AFF3: variants seen among roughly 807,000 people sequenced by gnomAD.
The protein encoded by AFF3 is ALF transcription elongation factor 3, also known as AF4/FMR2 family member 3.
Under a neutral mutation model 129.7 loss-of-function variants are expected in AFF3, and 32 were observed. The ratio of observed to expected loss-of-function variants is 0.25; its 90% CI spans 0.19 to 0.33. The LOEUF (loss-of-function observed/expected upper bound fraction) is 0.33. Ranked by LOEUF, AFF3 falls within the 10% of genes least tolerant of loss-of-function variation. The pLI is 1.00. For synonymous variants in AFF3, 644 were observed against 635.4 expected, an observed-to-expected ratio of 1.01 and a Z score of -0.20; for missense variants, 1,373 against 1,592.0, an observed-to-expected ratio of 0.86 and a Z score of 2.34.
chr2:100,066,819 C>G (rs1687759107), intron 4 of AFF3, among the ~76,000 whole-genome samples: 1 of 152,142 alleles, frequency 6.6e-6, no homozygotes, highest in South Asian at 2.1e-4. Context: ...CTGATTATTC[C>G]TGAAGGACCT....
chr2:99,860,973 A>T (rs1429199409), intron 7 of AFF3, among the ~76,000 whole-genome samples: 2 of 152,180 alleles, frequency 1.3e-5, no homozygotes, highest in Non-Finnish European at 2.9e-5. Context: ...CATGCTGTAC[A>T]CTAGGTCCCC....
intron 7 of AFF3, among the ~76,000 whole-genome samples, chr2:99,924,457 T>C (rs1696081894): frequency 6.6e-6 from 1 of 152,214 alleles, no homozygotes; most frequent in Non-Finnish European, 1.5e-5. Context: ...ATGTCTGAAA[T>C]ATATGTAGTA....
chr2:100,036,437 G>GA (rs1256063021), intron 4 of AFF3, among the ~76,000 whole-genome samples: 2 of 151,740 alleles, frequency 1.3e-5, no homozygotes, highest in Non-Finnish European at 2.9e-5. Context: ...AAATATTTGG[G>GA]AAAAAATACA....
At chr2:99,591,071 A>G (rs1678623966) in intron 15 of AFF3, among the ~76,000 whole-genome samples, 1 of 151,892 alleles carries the variant, frequency 6.6e-6, no homozygotes, top group Non-Finnish European at 1.5e-5. Flanking sequence ...CCTTGAACAT[A>G]TTTCTTTTCA....
chr2:99,679,828 T>C (rs1172326897), intron 11 of AFF3, among the ~76,000 whole-genome samples: 1 of 152,214 alleles, frequency 6.6e-6, no homozygotes, highest in Non-Finnish European at 1.5e-5. Flanking sequence ...AAACAACCAC[T>C]ATATATCCTC....
intron 13 of AFF3, among the ~76,000 whole-genome samples, chr2:99,623,019 G>A (rs1413939422): frequency 1.3e-5 from 2 of 152,196 alleles, no homozygotes; most frequent in African/African-American, 4.8e-5. Context: ...GACTTTTGGT[G>A]GTCGAAGGGA....
rs1227083914 is a variant in AFF3, at chr2:100,061,854, T to TTGGG, written c.53+42547_53+42548insCCCA. Among the ~76,000 whole-genome samples the TTGGG allele has an allele frequency of 2.5e-4, 19 of 75,762 alleles. 1 individual carries two copies. Among genetic ancestry groups the TTGGG allele is most frequent in the Non-Finnish European group, 4.5e-4 (16 of 35,380 alleles). 49.7% of individuals were successfully genotyped at this position (75,762 alleles called of 152,430 possible). ...ATCACCAAAGAGATGGGTAGCACAG[T>TTGGG]GGAGGGGGGGGGGGTGCCGACTCTC... On this transcript the variant is annotated intron_variant, in intron 4 of 24. Coordinates refer to ENST00000672756, the MANE Select transcript of AFF3 (RefSeq NM_001386135.1).
chr2:99,947,669 C>CAGACAGACAGAT lies in AFF3; in HGVS notation c.873+58962_873+58963insATCTGTCTGTCT, dbSNP rs1553486293. On this transcript the variant is annotated intron_variant, in intron 7 of 24. Coordinates refer to ENST00000672756, the MANE Select transcript of AFF3 (RefSeq NM_001386135.1). ...ATAGATAGATAGACAGACAGACAGA[C>CAGACAGACAGAT]AGATAGATCGATCCAAACACAGGCA... 9.3e-4 allele frequency among the ~76,000 whole-genome samples: 139 copies of CAGACAGACAGAT among 149,334 alleles called. 1 individual carries two copies. Among genetic ancestry groups the CAGACAGACAGAT allele is most frequent in the African/African-American group, 2.3e-3 (93 of 40,208 alleles).
At chr2:99,747,754 G>A (rs1681287051) in intron 9 of AFF3, among the ~76,000 whole-genome samples, 1 of 152,094 alleles carries the variant, frequency 6.6e-6, no homozygotes, top group African/African-American at 2.4e-5. Flanking sequence ...GAAGTCTTCT[G>A]TAGGAGAGGC....
chr2:99,836,373 T>C (rs1688875546), intron 8 of AFF3, among the ~76,000 whole-genome samples: 1 of 152,186 alleles, frequency 6.6e-6, no homozygotes, highest in Non-Finnish European at 1.5e-5. Flanking sequence ...ATAGAGACAA[T>C]ATAGATATAA....
chr2:99,631,251 C>G (rs564876350), intron 13 of AFF3, among the ~76,000 whole-genome samples: 1 of 152,336 alleles, frequency 6.6e-6, no homozygotes, highest in South Asian at 2.1e-4. Context: ...TGGCCTGATT[C>G]TTGTGTGAAC....
At chr2:99,568,010 G>C (rs1001305204) in intron 19 of AFF3, among the ~76,000 whole-genome samples, 1 of 152,164 alleles carries the variant, frequency 6.6e-6, no homozygotes, top group African/African-American at 2.4e-5. Context: ...TATTCCTCCT[G>C]TACCCCAGTG....
chr2:99,776,178 T>C (rs1303939789), intron 8 of AFF3, among the ~76,000 whole-genome samples: 2 of 152,214 alleles, frequency 1.3e-5, no homozygotes, highest in African/African-American at 4.8e-5. Flanking sequence ...TTGATGTTCC[T>C]GGAGTTCCTT....
At chr2:100,050,239 G>A (rs1044497814) in intron 4 of AFF3, among the ~76,000 whole-genome samples, 7 of 151,970 alleles carry the variant, frequency 4.6e-5, no homozygotes, top group Non-Finnish European at 8.8e-5. Context: ...ATGGCTTCAC[G>A]GTTGTCTCTC....
intron 9 of AFF3, among the ~76,000 whole-genome samples, chr2:99,746,587 C>G (rs1681177591): frequency 6.6e-6 from 1 of 152,112 alleles, no homozygotes; most frequent in Admixed American, 6.6e-5. Flanking sequence ...AACTCTCACC[C>G]TGAGATTCAG....
At chr2:99,648,881 G>GCACACACACA (rs367768868) in intron 13 of AFF3, among the ~76,000 whole-genome samples, 4,709 of 63,774 alleles carry the variant, frequency 0.074, 563 homozygotes, top group African/African-American at 0.1. Context: ...CTCAAAACAC[G>GCACACACACA]CGCGCACACA....
At chr2:99,922,188 A>G (rs1490858179) in intron 7 of AFF3, among the ~76,000 whole-genome samples, 2 of 152,174 alleles carry the variant, frequency 1.3e-5, no homozygotes. Context: ...GTTAAACACA[A>G]ATCTACTCCA....
At chr2:100,124,912 C>T (rs554823695) in intron 2 of AFF3, among the ~76,000 whole-genome samples, 27 of 152,270 alleles carry the variant, frequency 1.8e-4, no homozygotes, top group African/African-American at 6.3e-4. Context: ...ATTCTGGGAA[C>T]CTTGATCAGC....
intron 11 of AFF3, among the ~76,000 whole-genome samples, chr2:99,712,078 T>C (rs1052757880): frequency 2.6e-5 from 4 of 152,160 alleles, no homozygotes. Flanking sequence ...AACCATTGCT[T>C]ATGTGGTCTA....
Sources: gnomAD v4.1 joint callset for allele counts (sites outside exome capture counted in the v4.1 genomes callset) on GRCh38, gnomAD v4.1.1 for gene constraint, MANE v1.5 for transcripts, NCBI Gene and HGNC (gene_info 2026-07-23, HGNC 2026-07-21) for gene names.